Variants in TFCP2 observed in about 807,000 individuals in gnomAD.
The protein encoded by TFCP2 is alpha-globin transcription factor CP2.
TFCP2 carries 33 observed loss-of-function variants against 73.4 expected under a neutral mutation model. The ratio of observed to expected loss-of-function variants is 0.45; its 90% confidence interval spans 0.34 to 0.60. The LOEUF (loss-of-function observed/expected upper bound fraction) is 0.60. Among genes scored for constraint, TFCP2 ranks in the 20% least tolerant of loss-of-function variants. The pLI is 0.01. For missense variants in TFCP2, 352 were observed against 604.0 expected (o/e 0.58, Z 4.37); for synonymous variants, 193 against 211.6 (o/e 0.91, Z 0.76).
intron 1 of TFCP2, among the ~76,000 whole-genome samples, chr12:51,159,742 C>G (rs1020099033): frequency 5.9e-5 from 9 of 152,258 alleles, no homozygotes; most frequent in Middle Eastern, 3.4e-3. Flanking sequence ...CTCGCCTCAG[C>G]CTCCCAAAGT....
chr12:51,142,939 G>A (rs1400612432), intron 1 of TFCP2, among the ~76,000 whole-genome samples: 1 of 151,954 alleles, frequency 6.6e-6, no homozygotes, highest in Non-Finnish European at 1.5e-5. Flanking sequence ...CTGTTTTCAG[G>A]AGCACTCAAC....
chr12:51,094,431 G>A lies in TFCP2; in HGVS notation c.*810C>T, dbSNP rs1939909014. On this transcript the variant is annotated 3_prime_UTR_variant, in exon 15 of 15. Transcript: ENST00000257915. Reference sequence around the variant, plus strand: ...CAGAAGGGCCACAGTAATAAGCGAAGTGAACACAGGTTATAATGGGTAGCA... The same window carrying A: ...CAGAAGGGCCACAGTAATAAGCGAAATGAACACAGGTTATAATGGGTAGCA... 1 of 152,210 alleles carries A rather than the reference G, an allele frequency of 6.6e-6. No homozygotes were observed. Among genetic ancestry groups the A allele is most frequent in the East Asian group, 1.9e-4 (1 of 5,196 alleles). 9.4% of individuals were successfully genotyped at this position (152,210 alleles called of 1,614,324 possible).
chr12:51,156,045 CAAAAAAAAAAAAAAA>C (rs71712150), intron 1 of TFCP2, among the ~76,000 whole-genome samples: 144 of 146,222 alleles, frequency 9.8e-4, no homozygotes, highest in Admixed American at 1.1e-3. Context: ...CTTTTTGTCT[CAAAAAAAAAAAAAAA>C]AAAAAAAAAA....
chr12:51,093,986 T>TACACACACACAC lies in TFCP2; in HGVS notation c.*1243_*1254dup, dbSNP rs10694278. ...ACCCATGATGTTACACTTACACACT[T>TACACACACACAC]ACACACACACACACACACACACACA... is the stretch of plus-strand genomic sequence containing the variant. On this transcript the variant is annotated 3_prime_UTR_variant, in exon 15 of 15. Transcript: ENST00000257915. 8.3e-6 allele frequency: 1 copy of TACACACACACAC among 120,018 alleles called. No individual in the cohort carries two copies. Among genetic ancestry groups the TACACACACACAC allele is most frequent in the African/African-American group, 2.7e-5 (1 of 37,316 alleles). 7.4% of individuals were successfully genotyped at this position (120,018 alleles called of 1,614,324 possible). A position where few individuals can be genotyped will look rare whatever the true frequency, so the allele number is the denominator to read the frequency against.
At chr12:51,157,888 C>T (rs991162264) in intron 1 of TFCP2, among the ~76,000 whole-genome samples, 3 of 151,488 alleles carry the variant, frequency 2.0e-5, no homozygotes, top group Non-Finnish European at 4.4e-5. Context: ...ATGTTGGCCA[C>T]GCTGGTCTCG....
chr12:51,098,698 C>A (rs1940029779), intron 13 of TFCP2, 78 bp downstream of exon 13: 2 of 1,508,752 alleles, frequency 1.3e-6, no homozygotes, highest in African/African-American at 1.4e-5. Flanking sequence ...GAACACTCTG[C>A]CCCAGGAGAA....
intron 1 of TFCP2, among the ~76,000 whole-genome samples, chr12:51,146,523 T>A (rs1941302600): frequency 6.6e-6 from 1 of 151,932 alleles, no homozygotes; most frequent in Non-Finnish European, 1.5e-5. Flanking sequence ...CACACAAAAA[T>A]TACAACAGTG....
At chr12:51,101,182 G>A (rs1940103091) in intron 11 of TFCP2, among the ~76,000 whole-genome samples, 1 of 152,178 alleles carries the variant, frequency 6.6e-6, no homozygotes, top group Non-Finnish European at 1.5e-5. Context: ...GCAGGCGCCT[G>A]TAGTCCCAGC....
intron 1 of TFCP2, among the ~76,000 whole-genome samples, chr12:51,170,238 C>A (rs896673201): frequency 1.4e-4 from 22 of 152,070 alleles, no homozygotes; most frequent in African/African-American, 5.3e-4. Context: ...TGACTAAGAA[C>A]ACTGCATGAT....
At chr12:51,122,427 T>G (rs1185830910) in intron 1 of TFCP2, among the ~76,000 whole-genome samples, 1 of 151,734 alleles carries the variant, frequency 6.6e-6, no homozygotes, top group Admixed American at 6.6e-5. Flanking sequence ...CTCAGCTAAT[T>G]TTTATATTTT....
chr12:51,117,950 G>C (rs564441003), intron 2 of TFCP2, among the ~76,000 whole-genome samples: 1 of 152,202 alleles, frequency 6.6e-6, no homozygotes, highest in African/African-American at 2.4e-5. Context: ...ACTTTTCTAA[G>C]GTATTATCAA....
chr12:51,155,546 T>G (rs1402756239), intron 1 of TFCP2, among the ~76,000 whole-genome samples: 2 of 152,206 alleles, frequency 1.3e-5, no homozygotes, highest in Non-Finnish European at 2.9e-5. Flanking sequence ...TTCCCAACAA[T>G]TATTTTCTGC....
chr12:51,128,493 CA>C (rs869086317), intron 1 of TFCP2, among the ~76,000 whole-genome samples: 1 of 133,666 alleles, frequency 7.5e-6, no homozygotes, highest in African/African-American at 2.9e-5. Flanking sequence ...AAAAAAAAAA[CA>C]AAAAAAACAA....
At chr12:51,134,053 A>G (rs1206815977) in intron 1 of TFCP2, among the ~76,000 whole-genome samples, 1 of 152,182 alleles carries the variant, frequency 6.6e-6, no homozygotes, top group Non-Finnish European at 1.5e-5. Context: ...AAAGGAGAAA[A>G]TAAATGTGTG....
intron 4 of TFCP2, among the ~76,000 whole-genome samples, chr12:51,113,270 T>A (rs1940444847): frequency 6.6e-6 from 1 of 152,238 alleles, no homozygotes; most frequent in Admixed American, 6.5e-5. Flanking sequence ...AGTTAAATTT[T>A]TCTTAACAAC....
At chr12:51,153,523 C>T (rs1941473752) in intron 1 of TFCP2, among the ~76,000 whole-genome samples, 1 of 151,126 alleles carries the variant, frequency 6.6e-6, no homozygotes, top group Non-Finnish European at 1.5e-5. Flanking sequence ...AACTTTTCAT[C>T]ATCCCAATCT....
At chr12:51,157,570 A>G (rs1941563131) in intron 1 of TFCP2, among the ~76,000 whole-genome samples, 1 of 151,854 alleles carries the variant, frequency 6.6e-6, no homozygotes, top group African/African-American at 2.4e-5. Context: ...TAGAGATTAC[A>G]CATGTGAGCT....
At chr12:51,127,384 G>T (rs1463937520) in intron 1 of TFCP2, among the ~76,000 whole-genome samples, 1 of 152,132 alleles carries the variant, frequency 6.6e-6, no homozygotes, top group Non-Finnish European at 1.5e-5. Flanking sequence ...GAAAAAAGAG[G>T]GGGCTTATCT....
At chr12:51,118,531 G>C in intron 2 of TFCP2, 90 bp downstream of exon 2, 1 of 1,483,506 alleles carries the variant, frequency 6.7e-7, no homozygotes, top group Non-Finnish European at 9.2e-7. Context: ...CTCCAGCCTG[G>C]GTGACGCCGT....
Sources: allele counts gnomAD v4.1 joint callset (sites outside exome capture counted in the v4.1 genomes callset), GRCh38; gene constraint gnomAD v4.1.1; transcripts MANE v1.5; gene names NCBI Gene and HGNC (gene_info 2026-07-23, HGNC 2026-07-21).